The following AHR variants were observed in gnomAD, a reference collection of about 807,000 sequenced individuals.
AHR encodes the protein AH-receptor.
AHR carries 40 observed loss-of-function variants against 86.8 expected under a neutral mutation model. The observed-to-expected ratio is 0.46, with a 90% CI of 0.36 to 0.60. AHR has a LOEUF of 0.60. Ranked by LOEUF, AHR falls within the 20% of genes least tolerant of loss-of-function variation. AHR has a pLI of 0.00. For missense variants in AHR, 1,001 were observed against 1,011.6 expected (o/e 0.99, Z 0.14); for synonymous variants, 398 against 354.9 (o/e 1.12, Z -1.37).
Position 17,343,062 on chromosome 7 carries a change from T to G in AHR, c.2545T>G (p.Ter849GluextTer6). 6.2e-7 allele frequency: 1 copy of G among 1,613,700 alleles called. No homozygotes were observed. Among genetic ancestry groups the G allele is most frequent in the East Asian group, 2.2e-5 (1 of 44,870 alleles). ...FPDLTSSGFL* is the reference protein window; with the variant it reads ...FPDLTSSGFLE ...TGATTTGACATCCAGTGGATTCCTG[T>G]AATTCCAAGCCCAATTTTGACCCTG... Residue 849 changes from the stop codon to glutamate (E), a stop_lost, in exon 11 of 11, where the codon TAA becomes GAA. Coordinates refer to ENST00000242057, the MANE Select transcript of AHR (RefSeq NM_001621.5).
Position 17,340,142 on chromosome 7 carries a change from C to G in AHR, c.2317C>G (p.Gln773Glu), listed in dbSNP as rs757186338. 1.9e-5 allele frequency: 30 copies of G among 1,614,094 alleles called. No homozygotes were observed. Among genetic ancestry groups the G allele is most frequent in the Non-Finnish European group, 9.3e-6 (11 of 1,180,040 alleles). Residue 773 changes from glutamine to glutamate, a missense_variant, in exon 10 of 11, where the codon CAG becomes GAG. This residue lies in a region of AHR where 607 missense variants were observed against 543.1 expected (regional missense o/e 1.12). Coordinates refer to ENST00000242057, the MANE Select transcript of AHR (RefSeq NM_001621.5). ...TTATGCTGGGGCCGTGTCGATGTAT[C>G]AGTGCCAGCCAGAACCTCAGCACAC... is the stretch of plus-strand genomic sequence containing the variant. ...TCYAGAVSMY[Q>E]CQPEPQHTHV...
intron 3 of AHR, 131 bp downstream of exon 3, chr7:17,322,738 C>A: frequency 1.6e-6 from 1 of 637,328 alleles, no homozygotes; most frequent in Non-Finnish European, 2.8e-6. Flanking sequence ...ATCTGAACTG[C>A]GATAGTGAAT....
rs150249702 is a variant in AHR at position 17,325,219 on chromosome 7, T to C, written c.361-2540T>C. 1.9e-3 allele frequency among the ~76,000 whole-genome samples: 289 copies of C among 152,330 alleles called. 1 individual carries two copies. Among genetic ancestry groups the C allele is most frequent in the Non-Finnish European group, 3.3e-3 (225 of 68,022 alleles). On this transcript the variant is annotated intron_variant, in intron 3 of 10. Transcript: ENST00000242057. Reference sequence around the variant, plus strand: ...CTGGTACTTGAGATCATTTGAGATATATAAAAATTGATGTGCATCTATCGT... The same window carrying C: ...CTGGTACTTGAGATCATTTGAGATACATAAAAATTGATGTGCATCTATCGT...
In AHR at chr7:17,332,095, C is replaced by T. The variant is rs189072397; in HGVS notation, c.705+1209C>T. ...TAGTCCCATGAGATCATAATGGAGC[C>T]GAAAAATCCCTATCACTTAATGATG... On this transcript the variant is annotated intron_variant, in intron 6 of 10. Transcript: ENST00000242057. Among the ~76,000 whole-genome samples, 267 of 151,734 alleles carry T rather than the reference C, an allele frequency of 1.8e-3. 1 individual carries two copies. The Middle Eastern group carries it at 0.068, about 39-fold the overall frequency.
At chr7:17,321,152 C>CT (rs962617845) in intron 2 of AHR, among the ~76,000 whole-genome samples, 6 of 151,976 alleles carry the variant, frequency 3.9e-5, no homozygotes, top group Non-Finnish European at 8.8e-5. Flanking sequence ...AATGGTTTCT[C>CT]TTATTCAAAT....
rs1224103245 is a variant in AHR at position 17,344,993 on chromosome 7, C to G, written c.*1929C>G. On this transcript the variant is annotated 3_prime_UTR_variant, in exon 11 of 11. Transcript: ENST00000242057. ...CATTTTGCATGTATTATTTGAAAAT[C>G]TGATGGAATCCCAAACTGAGATGTA... is the stretch of plus-strand genomic sequence containing the variant. 6.6e-6 allele frequency: 1 copy of G among 151,504 alleles called. No homozygotes were observed. Among genetic ancestry groups the G allele is most frequent in the Non-Finnish European group, 1.5e-5 (1 of 67,850 alleles). The allele number at this position is 151,504 out of a possible 1,614,324, so 9.4% of individuals were successfully genotyped here. A position where few individuals can be genotyped will look rare whatever the true frequency, so the allele number is the denominator to read the frequency against.
chr7:17,325,406 GA>G (rs1782217815), intron 3 of AHR, among the ~76,000 whole-genome samples: 1 of 152,178 alleles, frequency 6.6e-6, no homozygotes, highest in Non-Finnish European at 1.5e-5. Context: ...AAAATAATAT[GA>G]ATGTGATCAA....
chr7:17,324,269 A>G (rs751746545), intron 3 of AHR, among the ~76,000 whole-genome samples: 18 of 152,184 alleles, frequency 1.2e-4, no homozygotes, highest in Non-Finnish European at 2.5e-4. Flanking sequence ...GATTGTGCTT[A>G]TATGTTATCT....
intron 6 of AHR, among the ~76,000 whole-genome samples, chr7:17,331,088 G>A (rs1473827201): frequency 6.6e-6 from 1 of 151,884 alleles, no homozygotes; most frequent in Non-Finnish European, 1.5e-5. Context: ...GTACAGAAAT[G>A]GCTTGATTGA....
chr7:17,318,338 A>G (rs1782137050), intron 2 of AHR, among the ~76,000 whole-genome samples: 2 of 152,108 alleles, frequency 1.3e-5, no homozygotes, highest in African/African-American at 4.8e-5. Flanking sequence ...AAACATGGAT[A>G]TGGTTAAATG....
At chr7:17,320,738 G>A (rs1782160529) in intron 2 of AHR, among the ~76,000 whole-genome samples, 1 of 152,088 alleles carries the variant, frequency 6.6e-6, no homozygotes, top group African/African-American at 2.4e-5. Flanking sequence ...TCTCTCTTCT[G>A]CCATTCTCTC....
At chr7:17,320,496 A>G (rs1428137162) in intron 2 of AHR, among the ~76,000 whole-genome samples, 1 of 152,106 alleles carries the variant, frequency 6.6e-6, no homozygotes, top group Non-Finnish European at 1.5e-5. Flanking sequence ...AGATATATAA[A>G]GTCTGACACT....
rs773628794 is a variant in AHR at position 17,339,549 on chromosome 7, T to C, written c.1724T>C (p.Ile575Thr). 40 of 1,614,100 alleles carry C rather than the reference T, an allele frequency of 2.5e-5. No individual in the cohort carries two copies. The Admixed American group carries it at 5.0e-4, about 20-fold the overall frequency. ...DFSGEVDFRD[I>T]DLTDEILTYV... The stretch of plus-strand genomic sequence containing the variant: ...TCTGGTGAGGTTGACTTCAGAGACA[T>C]TGACTTAACGGATGAAATCCTGACG... The change falls in exon 10 of 11, where the codon ATT (isoleucine) becomes ACT (threonine). Residue 575 changes from isoleucine to threonine, a missense_variant. Physicochemically the swap from Ile to Thr is moderately conservative, Grantham distance 89. Around this residue, in one of 2 missense-constraint regions of AHR, gnomAD observed 607 missense variants for 543.1 expected, o/e 1.12. Coordinates refer to ENST00000242057, the MANE Select transcript of AHR (RefSeq NM_001621.5).
chr7:17,308,139 C>T (rs932270836), intron 1 of AHR, among the ~76,000 whole-genome samples: 11 of 152,112 alleles, frequency 7.2e-5, no homozygotes, highest in Non-Finnish European at 1.5e-5. Flanking sequence ...ATTTTGTTTA[C>T]CTGTAAGTGT....
chr7:17,302,507 T>C (rs774913933), intron 1 of AHR, among the ~76,000 whole-genome samples: 1 of 152,016 alleles, frequency 6.6e-6, no homozygotes, highest in Non-Finnish European at 1.5e-5. Context: ...AGAATGGGTC[T>C]TTTCATTTAC....
chr7:17,298,773 C>T lies in AHR; in HGVS notation c.-492C>T, dbSNP rs1454690452. The stretch of plus-strand genomic sequence containing the variant: ...AGCAGCCGGGACTGGTGGCCCGCGC[C>T]CGAGCTCCGCAGGCGGGAAGCACCC... On this transcript the variant is annotated 5_prime_UTR_variant, in exon 1 of 11. Coordinates refer to ENST00000242057, the MANE Select transcript of AHR (RefSeq NM_001621.5). The T allele has an allele frequency of 1.0e-5, 4 of 397,916 alleles. No homozygotes were observed. Among genetic ancestry groups the T allele is most frequent in the East Asian group, 7.1e-5 (2 of 28,042 alleles). The allele number at this position is 397,916 out of a possible 1,614,324, so 24.6% of individuals were successfully genotyped here. A position where few individuals can be genotyped will look rare whatever the true frequency, so the allele number is the denominator to read the frequency against.
chr7:17,317,294 C>A (rs1782125949), intron 2 of AHR, among the ~76,000 whole-genome samples: 1 of 151,610 alleles, frequency 6.6e-6, no homozygotes, highest in South Asian at 2.1e-4. Context: ...ATACTGTTTT[C>A]TTTTATCGAA....
intron 6 of AHR, among the ~76,000 whole-genome samples, chr7:17,333,601 A>G (rs1782322724): frequency 2.0e-5 from 3 of 151,970 alleles, no homozygotes; most frequent in African/African-American, 7.2e-5. Flanking sequence ...CTGGTGTGCA[A>G]GGAGCTGTGT....
In AHR at chr7:17,299,670, C is replaced by T. The variant is rs530932205; in HGVS notation, c.65+341C>T. On this transcript the variant is annotated intron_variant, in intron 1 of 10. Coordinates refer to ENST00000242057, the MANE Select transcript of AHR (RefSeq NM_001621.5). ...GGCTAATGGATTAGTTAGTATAAACCTGTCTTGAAATCTCCTTCCACTTTT... is the reference window on the plus strand; with the variant it reads ...GGCTAATGGATTAGTTAGTATAAACTTGTCTTGAAATCTCCTTCCACTTTT... 5.9e-5 allele frequency among the ~76,000 whole-genome samples: 9 copies of T among 152,318 alleles called. No individual in the cohort carries two copies. In the East Asian group the frequency reaches 1.7e-3, roughly 29 times the overall value.
Sources: gnomAD v4.1 joint callset for allele counts (sites outside exome capture counted in the v4.1 genomes callset) on GRCh38, gnomAD v4.1.1 for gene constraint, gnomAD v4.1.1 regional missense constraint, MANE v1.5 for transcripts, NCBI Gene and HGNC (gene_info 2026-07-23, HGNC 2026-07-21) for gene names.